The following SEMA6D variants were observed in gnomAD, a reference collection of about 807,000 sequenced individuals.
The protein encoded by SEMA6D is semaphorin 6D, also known as semaphorin-6D.
SEMA6D carries 35 observed loss-of-function variants against 106.6 expected under a neutral mutation model. That is an observed-to-expected ratio of 0.33 (90% CI 0.25 to 0.44). The LOEUF is 0.44. Among genes scored for constraint, SEMA6D ranks in the 20% least tolerant of loss-of-function variants. The pLI is 1.00. For synonymous variants in SEMA6D, 499 were observed against 487.7 expected (o/e 1.02, Z -0.31); for missense variants, 1,185 against 1,345.9 (o/e 0.88, Z 1.87).
Position 47,771,173 on chromosome 15 carries a change from G to A in SEMA6D, c.2610G>A (p.Arg870=). 2 of 1,614,022 alleles carry A rather than the reference G, an allele frequency of 1.2e-6. No homozygotes were observed. The highest frequency in any genetic ancestry group is 8.5e-7 in the Non-Finnish European group (1 of 1,179,982). ...AGTCATCCAGTAAGAGAGATCACCGGCGTTCTGTTGATTCCAGAAATACCC... is the reference window on the plus strand; with the variant it reads ...AGTCATCCAGTAAGAGAGATCACCGACGTTCTGTTGATTCCAGAAATACCC... ...LTKSSSKRDH[R]RSVDSRNTLN... Residue 870 remains arginine (R), a synonymous_variant, in exon 19 of 19, where the codon CGG becomes CGA. Coordinates refer to ENST00000536845, the MANE Select transcript of SEMA6D (RefSeq NM_001358351.3).
At position 47,717,870 on chromosome 15, in the gene SEMA6D, G is replaced by A. The variant is rs2079183086; in HGVS notation, c.-55+178G>A. Among the ~76,000 whole-genome samples the A allele has an allele frequency of 2.3e-5, 3 of 128,780 alleles. 1 individual carries two copies. In the South Asian group the frequency reaches 8.4e-4, roughly 36 times the overall value. 84.5% of individuals were successfully genotyped at this position (128,780 alleles called of 152,430 possible). A position where few individuals can be genotyped will look rare whatever the true frequency, so the allele number is the denominator to read the frequency against. ...TGTGTGTGTGTGTGTGTGTGTGTGT[G>A]TGTGTGTGTTGCCACTGGACAGTTG... is the stretch of plus-strand genomic sequence containing the variant. On this transcript the variant is annotated intron_variant, in intron 1 of 18. Transcript: ENST00000536845.
intron 3 of SEMA6D, among the ~76,000 whole-genome samples, chr15:47,500,311 GAA>G (rs35369550): frequency 6.6e-6 from 1 of 151,228 alleles, no homozygotes; most frequent in Admixed American, 6.6e-5. Flanking sequence ...TTATAAATGG[GAA>G]AAAAAATATA....
intron 2 of SEMA6D, among the ~76,000 whole-genome samples, chr15:47,453,871 A>G (rs796219995): frequency 4.6e-5 from 7 of 152,020 alleles, no homozygotes; most frequent in African/African-American, 1.7e-4. Context: ...TCGAAAAAGG[A>G]GCCCTCCTCA....
At chr15:47,585,833 C>T (rs1047176338) in intron 3 of SEMA6D, among the ~76,000 whole-genome samples, 6 of 152,262 alleles carry the variant, frequency 3.9e-5, no homozygotes, top group Admixed American at 3.3e-4. Context: ...TGCCAAAGCT[C>T]GAGTTGAGAA....
At chr15:47,653,003 G>A (rs2077722279) in intron 4 of SEMA6D, among the ~76,000 whole-genome samples, 1 of 152,186 alleles carries the variant, frequency 6.6e-6, no homozygotes, top group African/African-American at 2.4e-5. Context: ...TGAGCTTATG[G>A]TGCCAAGAAC....
intron 1 of SEMA6D, among the ~76,000 whole-genome samples, chr15:47,322,546 C>G (rs1446169419): frequency 6.6e-6 from 1 of 152,122 alleles, no homozygotes; most frequent in Non-Finnish European, 1.5e-5. Context: ...GCAGTCTTCT[C>G]AGCGAATCAT....
chr15:47,500,551 C>T (rs763042671), intron 3 of SEMA6D, among the ~76,000 whole-genome samples: 10 of 151,860 alleles, frequency 6.6e-5, no homozygotes, highest in African/African-American at 2.2e-4. Flanking sequence ...TTTAAAATAC[C>T]CTACTAGCCA....
intron 3 of SEMA6D, among the ~76,000 whole-genome samples, chr15:47,553,200 A>T (rs942327271): frequency 2.0e-5 from 3 of 151,808 alleles, no homozygotes; most frequent in African/African-American, 7.3e-5. Flanking sequence ...CACCGCGCCC[A>T]GCCAACCTGT....
At chr15:47,369,249 T>C (rs936642324) in intron 1 of SEMA6D, among the ~76,000 whole-genome samples, 1 of 152,216 alleles carries the variant, frequency 6.6e-6, no homozygotes, top group African/African-American at 2.4e-5. Flanking sequence ...TTCTGCACTT[T>C]TCTGTATGTG....
At chr15:47,402,604 A>G (rs2040432647) in intron 1 of SEMA6D, among the ~76,000 whole-genome samples, 1 of 152,174 alleles carries the variant, frequency 6.6e-6, no homozygotes, top group South Asian at 2.1e-4. Flanking sequence ...TAAGTGGAAA[A>G]CAACATCAGC....
intron 1 of SEMA6D, among the ~76,000 whole-genome samples, chr15:47,409,132 G>C (rs961339393): frequency 1.3e-5 from 2 of 152,200 alleles, no homozygotes; most frequent in African/African-American, 4.8e-5. Context: ...ACACCTCAGA[G>C]CACTTTTGCA....
chr15:47,577,754 G>C (rs536607661), intron 3 of SEMA6D, among the ~76,000 whole-genome samples: 1 of 152,310 alleles, frequency 6.6e-6, no homozygotes, highest in East Asian at 1.9e-4. Context: ...GCTCCAGCTG[G>C]CTTCTCTTGA....
At chr15:47,330,325 G>A (rs1450357249) in intron 1 of SEMA6D, among the ~76,000 whole-genome samples, 2 of 152,158 alleles carry the variant, frequency 1.3e-5, no homozygotes. Flanking sequence ...TCTGCCTTGG[G>A]TAAGGCATTC....
At chr15:47,212,357 G>C (rs2030112040) in intron 1 of SEMA6D, among the ~76,000 whole-genome samples, 1 of 152,202 alleles carries the variant, frequency 6.6e-6, no homozygotes, top group African/African-American at 2.4e-5. Context: ...TTTCACTTCA[G>C]ACAGTAAGAA....
At chr15:47,290,895 G>A (rs1337139411) in intron 1 of SEMA6D, among the ~76,000 whole-genome samples, 1 of 152,206 alleles carries the variant, frequency 6.6e-6, no homozygotes, top group African/African-American at 2.4e-5. Context: ...TTTGTAGCCA[G>A]ATAACAGAGT....
chr15:47,765,717 A>G (rs2082302214), intron 13 of SEMA6D, 152 bp from the exon 14 acceptor site: 5 of 697,614 alleles, frequency 7.2e-6, no homozygotes, highest in Non-Finnish European at 1.0e-5. Flanking sequence ...GAAGTAGAAG[A>G]TGAATCACAT....
At chr15:47,631,807 T>G (rs1352990846) in intron 4 of SEMA6D, among the ~76,000 whole-genome samples, 2 of 151,984 alleles carry the variant, frequency 1.3e-5, no homozygotes, top group African/African-American at 2.4e-5. Context: ...ACCACCAAGT[T>G]TGTGGTAATT....
intron 3 of SEMA6D, among the ~76,000 whole-genome samples, chr15:47,507,973 A>G (rs1254405611): frequency 6.6e-6 from 1 of 152,230 alleles, no homozygotes; most frequent in Non-Finnish European, 1.5e-5. Flanking sequence ...AATAATGGCA[A>G]TTAAGGAAAA....
intron 1 of SEMA6D, among the ~76,000 whole-genome samples, chr15:47,374,418 G>A (rs2039381305): frequency 6.6e-6 from 1 of 152,122 alleles, no homozygotes; most frequent in Non-Finnish European, 1.5e-5. Flanking sequence ...CCATTCGTTA[G>A]GGGGAGCTGT....
Sources: gnomAD v4.1 joint callset for allele counts (sites outside exome capture counted in the v4.1 genomes callset) on GRCh38, gnomAD v4.1.1 for gene constraint, MANE v1.5 for transcripts, NCBI Gene and HGNC (gene_info 2026-07-23, HGNC 2026-07-21) for gene names.